Variants in NOS1 observed in about 807,000 individuals in gnomAD.
The protein encoded by NOS1 is nitric oxide synthase 1, also known as NOS type I.
A neutral mutation model predicts 164.5 loss-of-function variants in NOS1; 51 were observed. The observed-to-expected ratio is 0.31, with a 90% CI of 0.25 to 0.39. NOS1 has a LOEUF of 0.39. NOS1 is among the 10% of genes least tolerant of loss of function. NOS1 has a pLI of 1.00. For synonymous variants in NOS1, 719 were observed against 745.8 expected, an observed-to-expected ratio of 0.96 and a Z score of 0.59; for missense variants, 1,362 against 1,885.6, an observed-to-expected ratio of 0.72 and a Z score of 5.14.
intron 7 of NOS1, among the ~76,000 whole-genome samples, chr12:117,283,056 A>ATATATATTTT (rs1360367568): frequency 7.0e-4 from 65 of 92,954 alleles, no homozygotes; most frequent in African/African-American, 2.1e-3. Context: ...ATATATATAT[A>ATATATATTTT]TTTTTTTTTT....
rs1876867245 is a variant in NOS1 at position 117,356,678 on chromosome 12, G to A, written c.-421+4834C>T. On this transcript the variant is annotated intron_variant, in intron 1 of 28. Coordinates refer to ENST00000317775, the MANE Select transcript of NOS1 (RefSeq NM_000620.5). This position sits in a 1 kb window ranked among gnomAD's most constrained non-coding sequence, Gnocchi z 4.2. ...TGCCGAACAGCCCACGATAACTGCT[G>A]TTCATCCTTAGCATCATACGACTGT... is the stretch of plus-strand genomic sequence containing the variant. 6.6e-6 allele frequency among the ~76,000 whole-genome samples: 1 copy of A among 152,200 alleles called. No homozygotes were observed. The highest frequency in any genetic ancestry group is 2.4e-5 in the African/African-American group (1 of 41,460).
In NOS1 at chr12:117,342,380, G is replaced by A. The variant is rs138487868; in HGVS notation, c.-420-10891C>T. On this transcript the variant is annotated intron_variant, in intron 1 of 28. Coordinates refer to ENST00000317775, the MANE Select transcript of NOS1 (RefSeq NM_000620.5). ...AAAAGCGAAAATACAGGGTGCTAACGAGACCTTGCATAAGGGACATAACAT... is the reference window on the plus strand; with the variant it reads ...AAAAGCGAAAATACAGGGTGCTAACAAGACCTTGCATAAGGGACATAACAT... Among the ~76,000 whole-genome samples, 86 of 152,242 alleles carry A rather than the reference G, an allele frequency of 5.6e-4. 1 individual carries two copies. Among genetic ancestry groups the A allele is most frequent in the Middle Eastern group, 6.8e-3 (2 of 294 alleles).
intron 16 of NOS1, among the ~76,000 whole-genome samples, chr12:117,257,071 T>A (rs1441657165): frequency 1.3e-5 from 2 of 151,902 alleles, no homozygotes; most frequent in Non-Finnish European, 2.9e-5. Flanking sequence ...AAACTTCATC[T>A]CAAAAAAAAT....
intron 3 of NOS1, 146 bp from the exon 4 acceptor site, chr12:117,290,572 TC>T: frequency 9.8e-7 from 1 of 1,018,314 alleles, no homozygotes; most frequent in Non-Finnish European, 1.4e-6. Context: ...ATCCAGCCCT[TC>T]CTGCTTGACA....
At chr12:117,249,039 G>T (rs963906158) in intron 17 of NOS1, among the ~76,000 whole-genome samples, 23 of 152,160 alleles carry the variant, frequency 1.5e-4, no homozygotes, top group African/African-American at 5.5e-4. Flanking sequence ...ATTTTGATGG[G>T]GTTGTTTGTT....
Position 117,330,408 on chromosome 12 carries a change from C to G in NOS1, c.662G>C (p.Arg221Thr), listed in dbSNP as rs1208937144. The change falls in exon 2 of 29, where the codon AGA (arginine) becomes ACA (threonine). Residue 221 changes from arginine (R) to threonine (T), a missense_variant. This residue lies in a region of NOS1 where 362 missense variants were observed against 402.0 expected (regional missense o/e 0.90). Transcript: ENST00000317775. This position sits in a 1 kb window ranked among gnomAD's most constrained non-coding sequence, Gnocchi z 4.6. ...PVLSLLTSGSRGVKGGAPAKA... is the reference protein window; with the variant it reads ...PVLSLLTSGSTGVKGGAPAKA... Reference sequence around the variant, plus strand: ...GGCAGGTGCCCCTCCCTTGACCCCTCTGCTCCCACTGGTGAGAAGGCTCAG... The same window carrying G: ...GGCAGGTGCCCCTCCCTTGACCCCTGTGCTCCCACTGGTGAGAAGGCTCAG... 6.2e-7 allele frequency: 1 copy of G among 1,614,234 alleles called. No individual in the cohort carries two copies. Among genetic ancestry groups the G allele is most frequent in the South Asian group, 1.1e-5 (1 of 91,088 alleles).
intron 24 of NOS1, 53 bp downstream of exon 24, chr12:117,226,630 C>A: frequency 6.5e-7 from 1 of 1,538,122 alleles, no homozygotes. Flanking sequence ...CAACTTGTGA[C>A]GTCAATATGC....
rs571082470 is a variant in NOS1, at chr12:117,278,660, A to G, written c.1525-562T>C. On this transcript the variant is annotated intron_variant, in intron 8 of 28. Coordinates refer to ENST00000317775, the MANE Select transcript of NOS1 (RefSeq NM_000620.5). The stretch of plus-strand genomic sequence containing the variant: ...AATGCAAGCCACCTAAGTAATTAAA[A>G]CTTTCTAGTAGCCACATTAGAAAAA... Among the ~76,000 whole-genome samples, 11 of 152,064 alleles carry G rather than the reference A, an allele frequency of 7.2e-5. No individual in the cohort carries two copies. The East Asian group carries it at 1.5e-3, about 21-fold the overall frequency.
intron 18 of NOS1, among the ~76,000 whole-genome samples, chr12:117,244,680 A>G (rs1318716478): frequency 2.0e-5 from 3 of 152,270 alleles, no homozygotes; most frequent in Non-Finnish European, 4.4e-5. Flanking sequence ...TGGATTAACA[A>G]GATTTGACAC....
chr12:117,275,422 TCA>T (rs775612911), intron 9 of NOS1, among the ~76,000 whole-genome samples: 17 of 152,176 alleles, frequency 1.1e-4, no homozygotes, highest in Non-Finnish European at 1.9e-4. Flanking sequence ...CTGAATATTC[TCA>T]CTCATAGGTA....
In NOS1 at chr12:117,352,284, C is replaced by CT. The variant is rs1226658988; in HGVS notation, c.-421+9227dup. Among the ~76,000 whole-genome samples, 24 of 152,306 alleles carry CT rather than the reference C, an allele frequency of 1.6e-4. 2 individuals are homozygous for CT. The highest frequency in any genetic ancestry group is 3.4e-3 in the Middle Eastern group (1 of 294). ...CACTCTGGAGGCAAGAGGCGTGGGC[C>CT]TGGGGGAAAGCTTGCTATCACTGAG... On this transcript the variant is annotated intron_variant, in intron 1 of 28. Transcript: ENST00000317775.
chr12:117,293,146 C>T (rs1873169822), intron 3 of NOS1, among the ~76,000 whole-genome samples: 1 of 152,176 alleles, frequency 6.6e-6, no homozygotes, highest in Non-Finnish European at 1.5e-5. Context: ...TTAAAGCATT[C>T]ATGGCGCCAT....
chr12:117,214,425 G>C lies in NOS1; in HGVS notation c.*884C>G, dbSNP rs1956571837. 1 of 985,268 alleles carries C rather than the reference G, an allele frequency of 1.0e-6. No homozygotes were observed. Among genetic ancestry groups the C allele is most frequent in the Non-Finnish European group, 1.2e-6 (1 of 829,942 alleles). 61.0% of individuals were successfully genotyped at this position (985,268 alleles called of 1,614,324 possible). A position where few individuals can be genotyped will look rare whatever the true frequency, so the allele number is the denominator to read the frequency against. On this transcript the variant is annotated 3_prime_UTR_variant, in exon 29 of 29. Transcript: ENST00000317775. ...CCCTTGGATGCTATTGCTGGAGGAG[G>C]GGGTCAGTCAATGGATGTGGCAAAG...
At position 117,356,541 on chromosome 12, in the gene NOS1, A is replaced by T. The variant is rs529850662; in HGVS notation, c.-421+4971T>A. Among the ~76,000 whole-genome samples the T allele has an allele frequency of 5.9e-5, 9 of 152,374 alleles. No homozygotes were observed. The South Asian group carries it at 1.9e-3, about 32-fold the overall frequency. On this transcript the variant is annotated intron_variant, in intron 1 of 28. Coordinates refer to ENST00000317775, the MANE Select transcript of NOS1 (RefSeq NM_000620.5). The surrounding 1 kb of genome is among the most constrained non-coding windows in gnomAD (Gnocchi z 4.2). ...ACCGCTTAGCCAGACTACAGGTTTCATTAGAATGGGGCTCACACCACCTTT... is the reference window on the plus strand; with the variant it reads ...ACCGCTTAGCCAGACTACAGGTTTCTTTAGAATGGGGCTCACACCACCTTT...
intron 17 of NOS1, among the ~76,000 whole-genome samples, chr12:117,253,317 T>C (rs972853071): frequency 6.6e-6 from 1 of 152,104 alleles, no homozygotes; most frequent in African/African-American, 2.4e-5. Context: ...ACCGTAGCTA[T>C]TGGGAAGGGC....
At chr12:117,341,369 C>A (rs1448238355) in intron 1 of NOS1, among the ~76,000 whole-genome samples, 2 of 152,176 alleles carry the variant, frequency 1.3e-5, no homozygotes, top group East Asian at 1.9e-4. Flanking sequence ...TGAGTCAACA[C>A]CACTAGGGCG....
intron 1 of NOS1, among the ~76,000 whole-genome samples, chr12:117,351,686 T>TCA (rs1876627002): frequency 6.6e-6 from 1 of 152,236 alleles, no homozygotes; most frequent in African/African-American, 2.4e-5. Context: ...AGTAGCTGCA[T>TCA]GTGCCAAGCA....
At chr12:117,301,841 T>C (rs1873832697) in intron 3 of NOS1, among the ~76,000 whole-genome samples, 1 of 152,212 alleles carries the variant, frequency 6.6e-6, no homozygotes, top group Admixed American at 6.5e-5. Context: ...AAGGGTTTCA[T>C]CTGTAAAATG....
chr12:117,282,029 C>CT (rs1331162323), intron 7 of NOS1, among the ~76,000 whole-genome samples: 1 of 152,078 alleles, frequency 6.6e-6, no homozygotes, highest in Non-Finnish European at 1.5e-5. Context: ...CAGCCATTGG[C>CT]TTTGCCTGCC....
Sources: allele counts gnomAD v4.1 joint callset (sites outside exome capture counted in the v4.1 genomes callset), GRCh38; gene constraint gnomAD v4.1.1; regional missense constraint gnomAD v4.1.1; non-coding constraint Gnocchi (gnomAD v3.1); transcripts MANE v1.5; gene names NCBI Gene and HGNC (gene_info 2026-07-23, HGNC 2026-07-21).